Variants in LRP1B observed in about 807,000 individuals in gnomAD.
LRP1B encodes low-density lipoprotein receptor-related protein 1B.
Under a neutral mutation model 556.6 loss-of-function variants are expected in LRP1B, and 217 were observed. That is an observed-to-expected ratio of 0.39 (90% confidence interval 0.35 to 0.44). The LOEUF (loss-of-function observed/expected upper bound fraction) is 0.44. LRP1B is among the 20% of genes least tolerant of loss of function. The pLI is 1.00. For synonymous variants in LRP1B, 2,047 were observed against 1,865.8 expected (o/e 1.10, Z -2.50); for missense variants, 5,053 against 5,620.8 (o/e 0.90, Z 3.23).
intron 21 of LRP1B, among the ~76,000 whole-genome samples, chr2:140,908,331 C>CTA (rs1323817124): frequency 3.5e-4 from 47 of 133,124 alleles, no homozygotes; most frequent in Middle Eastern, 3.7e-3. Context: ...CTCTCTCTCT[C>CTA]TCTATATATA....
intron 1 of LRP1B, among the ~76,000 whole-genome samples, chr2:142,123,824 A>G (rs1707544563): frequency 6.6e-6 from 1 of 151,930 alleles, no homozygotes; most frequent in Non-Finnish European, 1.5e-5. Context: ...ATACGAGCTT[A>G]TATTTGAGAA....
At chr2:140,265,100 C>G (rs1312273810) in intron 86 of LRP1B, among the ~76,000 whole-genome samples, 1 of 150,778 alleles carries the variant, frequency 6.6e-6, no homozygotes. Context: ...TGTAAGTTTA[C>G]AAAAAAAACC....
At chr2:140,934,893 T>A (rs1695158815) in intron 20 of LRP1B, among the ~76,000 whole-genome samples, 1 of 152,138 alleles carries the variant, frequency 6.6e-6, no homozygotes, top group African/African-American at 2.4e-5. Flanking sequence ...AAGACTAGGA[T>A]GTTCAAACAC....
At position 140,964,118 on chromosome 2, in the gene LRP1B, C is replaced by T. The variant is rs529082869; in HGVS notation, c.2888-12178G>A. On this transcript the variant is annotated intron_variant, in intron 18 of 90. Coordinates refer to ENST00000389484, the MANE Select transcript of LRP1B (RefSeq NM_018557.3). ...CATGTCCACTGGACAGGGGGCCCTTCCCTGCCTGGCAGCCGAGGCAGAGAG... is the reference window on the plus strand; with the variant it reads ...CATGTCCACTGGACAGGGGGCCCTTTCCTGCCTGGCAGCCGAGGCAGAGAG... Among the ~76,000 whole-genome samples the T allele has an allele frequency of 8.0e-4, 121 of 152,198 alleles. 1 individual carries two copies. The Middle Eastern group carries it at 0.02, about 26-fold the overall frequency.
intron 3 of LRP1B, among the ~76,000 whole-genome samples, chr2:141,279,424 G>T (rs1374766097): frequency 6.6e-6 from 1 of 152,046 alleles, no homozygotes; most frequent in Non-Finnish European, 1.5e-5. Context: ...GATTGGTACT[G>T]TAGAAGTGAT....
At chr2:140,619,735 A>T (rs1006107168) in intron 41 of LRP1B, among the ~76,000 whole-genome samples, 4 of 152,206 alleles carry the variant, frequency 2.6e-5, no homozygotes, top group Admixed American at 2.6e-4. Context: ...TGTTGGTATT[A>T]TTATGGCAAT....
At chr2:140,788,099 T>C (rs1444233299) in intron 32 of LRP1B, among the ~76,000 whole-genome samples, 1 of 152,188 alleles carries the variant, frequency 6.6e-6, no homozygotes, top group African/African-American at 2.4e-5. Context: ...ATATTAGTCC[T>C]CTAATATGTA....
At chr2:140,462,264 C>A (rs989100823) in intron 60 of LRP1B, among the ~76,000 whole-genome samples, 2 of 152,186 alleles carry the variant, frequency 1.3e-5, no homozygotes, top group Non-Finnish European at 2.9e-5. Context: ...ATTATTCTAA[C>A]TTGTCACCTT....
At chr2:141,125,844 C>CAAAAAAAAAAAAAAAAAAAA (rs386391362) in intron 7 of LRP1B, among the ~76,000 whole-genome samples, 1 of 102,190 alleles carries the variant, frequency 9.8e-6, no homozygotes, top group Non-Finnish European at 1.8e-5. Flanking sequence ...CTTTCAAATG[C>CAAAAAAAAAAAAAAAAAAAA]AAAAAAAAAA....
At chr2:140,868,940 G>A (rs1309168042) in intron 25 of LRP1B, among the ~76,000 whole-genome samples, 4 of 152,030 alleles carry the variant, frequency 2.6e-5, no homozygotes, top group Non-Finnish European at 2.9e-5. Flanking sequence ...CGGTAAAACT[G>A]AACCTTCAAG....
chr2:141,842,336 G>T (rs1431987976), intron 1 of LRP1B, among the ~76,000 whole-genome samples: 1 of 151,976 alleles, frequency 6.6e-6, no homozygotes, highest in Non-Finnish European at 1.5e-5. Context: ...AGAAAGAAGA[G>T]CCTAAAGATT....
intron 2 of LRP1B, among the ~76,000 whole-genome samples, chr2:141,505,469 T>C (rs1457804369): frequency 6.6e-6 from 1 of 152,074 alleles, no homozygotes; most frequent in Non-Finnish European, 1.5e-5. Context: ...ATTACACATA[T>C]GGGCCAAAGT....
At chr2:141,302,947 G>A (rs551690389) in intron 3 of LRP1B, among the ~76,000 whole-genome samples, 3 of 152,126 alleles carry the variant, frequency 2.0e-5, no homozygotes, top group African/African-American at 7.2e-5. Context: ...GAAGGATAAA[G>A]AGGAGATTGA....
chr2:140,232,219 CA>C lies in LRP1B; in HGVS notation c.*966del, dbSNP rs975149203. On this transcript the variant is annotated 3_prime_UTR_variant, in exon 91 of 91. Coordinates refer to ENST00000389484, the MANE Select transcript of LRP1B (RefSeq NM_018557.3). Reference sequence around the variant, plus strand: ...CTTTGCCCTTTGTTTTTTGACCTAGCAAAGAGGATGCGTTCACGTAATTGAA... The same window carrying C: ...CTTTGCCCTTTGTTTTTTGACCTAGCAAGAGGATGCGTTCACGTAATTGAA... 8 of 151,334 alleles carry C rather than the reference CA, an allele frequency of 5.3e-5. No homozygotes were observed. The highest frequency in any genetic ancestry group is 1.9e-4 in the African/African-American group (8 of 41,418). The allele number at this position is 151,334 out of a possible 1,614,324, so 9.4% of individuals were successfully genotyped here.
intron 59 of LRP1B, among the ~76,000 whole-genome samples, chr2:140,478,722 TA>T (rs1209327784): frequency 6.6e-6 from 1 of 152,052 alleles, no homozygotes; most frequent in Non-Finnish European, 1.5e-5. Context: ...GAGCTTTAAT[TA>T]GCCTTCCTGA....
At chr2:140,239,633 T>C in intron 87 of LRP1B, 101 bp from the exon 88 acceptor site, 2 of 640,632 alleles carry the variant, frequency 3.1e-6, no homozygotes, top group African/African-American at 1.9e-5. Flanking sequence ...ACCATTGATA[T>C]AATAAAAGCT....
chr2:141,339,360 A>C (rs962140385), intron 3 of LRP1B, among the ~76,000 whole-genome samples: 5 of 151,970 alleles, frequency 3.3e-5, no homozygotes, highest in African/African-American at 4.8e-5. Context: ...TGAACTTTCT[A>C]AAGTCAATAC....
At chr2:140,858,681 C>T (rs574939048) in intron 27 of LRP1B, among the ~76,000 whole-genome samples, 48 of 152,140 alleles carry the variant, frequency 3.2e-4, no homozygotes, top group African/African-American at 1.0e-3. Context: ...AACCCATCAC[C>T]TAGGTTTTAA....
At chr2:141,224,139 TAAAC>T (rs1163085233) in intron 6 of LRP1B, among the ~76,000 whole-genome samples, 5 of 89,768 alleles carry the variant, frequency 5.6e-5, no homozygotes, top group Non-Finnish European at 8.6e-5. Context: ...ACAAGGAACT[TAAAC>T]AAATTGACAC....
Sources: allele counts gnomAD v4.1 joint callset (sites outside exome capture counted in the v4.1 genomes callset), GRCh38; gene constraint gnomAD v4.1.1; transcripts MANE v1.5; gene names NCBI Gene and HGNC (gene_info 2026-07-23, HGNC 2026-07-21).